GRID1: variants seen among roughly 807,000 people sequenced by gnomAD.
The protein encoded by GRID1 is glutamate ionotropic receptor delta type subunit 1.
Under a neutral mutation model 98.0 loss-of-function variants are expected in GRID1, and 28 were observed. That is an observed-to-expected ratio of 0.29 (90% CI 0.21 to 0.39). The LOEUF (loss-of-function observed/expected upper bound fraction) is 0.39, where lower values mean the gene tolerates loss of function less well. Among genes scored for constraint, GRID1 ranks in the 10% least tolerant of loss-of-function variants. GRID1 has a pLI of 1.00. For missense variants in GRID1, 1,111 were observed against 1,340.5 expected (o/e 0.83, Z 2.67); for synonymous variants, 553 against 538.5 (o/e 1.03, Z -0.37).
intron 8 of GRID1, among the ~76,000 whole-genome samples, chr10:85,832,531 G>A (rs1047693958): frequency 3.3e-5 from 5 of 152,144 alleles, no homozygotes; most frequent in African/African-American, 4.8e-5. Context: ...CCATCAGTGT[G>A]AGAGTTTCTG....
intron 2 of GRID1, among the ~76,000 whole-genome samples, chr10:86,316,169 A>G (rs940869856): frequency 1.3e-5 from 2 of 152,202 alleles, no homozygotes; most frequent in Admixed American, 1.3e-4. Flanking sequence ...CACTCGACCA[A>G]CACTCCCCAT....
rs191584759 is a variant in GRID1 at position 85,647,442 on chromosome 10, T to G, written c.1998-45A>C. 4.1e-4 allele frequency: 594 copies of G among 1,448,820 alleles called. 9 individuals are homozygous for G. In the South Asian group the frequency reaches 6.3e-3, roughly 15 times the overall value. 89.7% of individuals were successfully genotyped at this position (1,448,820 alleles called of 1,614,324 possible). On this transcript the variant is annotated intron_variant, in intron 12 of 15. Coordinates refer to ENST00000327946, the MANE Select transcript of GRID1 (RefSeq NM_017551.3). Reference sequence around the variant, plus strand: ...CGAGGCATGAGTACATGCTGTGCATTGCACACTGCAAGGATACAAATGGGC... The same window carrying G: ...CGAGGCATGAGTACATGCTGTGCATGGCACACTGCAAGGATACAAATGGGC...
chr10:85,854,452 GC>G, intron 8 of GRID1, 43 bp downstream of exon 8: 1 of 1,597,592 alleles, frequency 6.3e-7, no homozygotes, highest in East Asian at 2.2e-5. Context: ...GTCTTTGGTG[GC>G]ACCATAGCAG....
chr10:85,635,892 G>A (rs932853743), intron 13 of GRID1, among the ~76,000 whole-genome samples: 1 of 152,192 alleles, frequency 6.6e-6, no homozygotes, highest in African/African-American at 2.4e-5. Flanking sequence ...TTCTGATCAC[G>A]AGTTCCTTCC....
At chr10:85,817,129 G>A (rs1232593353) in intron 8 of GRID1, among the ~76,000 whole-genome samples, 5 of 152,120 alleles carry the variant, frequency 3.3e-5, no homozygotes, top group Non-Finnish European at 7.4e-5. Flanking sequence ...TTGATTCCAT[G>A]TCTTTGCTAT....
chr10:85,891,537 T>C (rs1282326296), intron 5 of GRID1, among the ~76,000 whole-genome samples: 4 of 152,056 alleles, frequency 2.6e-5, no homozygotes, highest in African/African-American at 9.7e-5. Flanking sequence ...ACAAAATATA[T>C]GCAACAAGTT....
At chr10:85,728,619 T>C (rs866578421) in intron 9 of GRID1, among the ~76,000 whole-genome samples, 2 of 152,224 alleles carry the variant, frequency 1.3e-5, no homozygotes, top group Non-Finnish European at 2.9e-5. Context: ...AGCCATGCCA[T>C]GCTCACACCT....
intron 2 of GRID1, among the ~76,000 whole-genome samples, chr10:86,207,693 G>A (rs546919700): frequency 2.0e-5 from 3 of 146,466 alleles, no homozygotes; most frequent in Admixed American, 1.4e-4. Flanking sequence ...GTGCAGTGGC[G>A]CGATCTCGAC....
chr10:85,695,791 G>A (rs1841386487), intron 12 of GRID1, among the ~76,000 whole-genome samples: 1 of 151,970 alleles, frequency 6.6e-6, no homozygotes, highest in African/African-American at 2.4e-5. Flanking sequence ...AAAAAAACAA[G>A]CCAGCTGCTC....
chr10:86,068,889 A>G (rs1019863515), intron 4 of GRID1, among the ~76,000 whole-genome samples: 6 of 151,894 alleles, frequency 4.0e-5, no homozygotes, highest in Non-Finnish European at 1.5e-5. Flanking sequence ...AGTTGGGAGG[A>G]AAGAGAGGCT....
intron 2 of GRID1, among the ~76,000 whole-genome samples, chr10:86,362,711 C>T (rs1264881065): frequency 6.6e-6 from 1 of 152,218 alleles, no homozygotes; most frequent in African/African-American, 2.4e-5. Context: ...CCAACACCAG[C>T]TCTGACCCCC....
chr10:86,017,421 C>G (rs150277569), intron 4 of GRID1, among the ~76,000 whole-genome samples: 1 of 152,170 alleles, frequency 6.6e-6, no homozygotes, highest in African/African-American at 2.4e-5. Context: ...TGACCCCACC[C>G]CAGTAAGTGC....
intron 5 of GRID1, among the ~76,000 whole-genome samples, chr10:85,895,501 C>T (rs912066090): frequency 4.6e-5 from 7 of 152,156 alleles, no homozygotes; most frequent in African/African-American, 1.7e-4. Flanking sequence ...GACTCTAAGC[C>T]ACTGCCCCAT....
At chr10:86,293,431 G>A (rs1847544332) in intron 2 of GRID1, among the ~76,000 whole-genome samples, 1 of 152,200 alleles carries the variant, frequency 6.6e-6, no homozygotes, top group African/African-American at 2.4e-5. Context: ...CCTAGCGCCA[G>A]CAATGCCTTG....
At position 86,355,782 on chromosome 10, in the gene GRID1, G is replaced by A. The variant is rs1848526393; in HGVS notation, c.235+8159C>T. On this transcript the variant is annotated intron_variant, in intron 2 of 15. Transcript: ENST00000327946. ...GGCCCAGTGCCTGTCAGAGAGGGCA[G>A]CACCCCAGAGAAAGGGGCTGTCACA... Among the ~76,000 whole-genome samples the A allele has an allele frequency of 2.0e-5, 3 of 152,254 alleles. No homozygotes were observed. The South Asian group carries it at 6.2e-4, about 31-fold the overall frequency.
At chr10:86,252,831 G>A (rs1846858460) in intron 2 of GRID1, among the ~76,000 whole-genome samples, 1 of 152,194 alleles carries the variant, frequency 6.6e-6, no homozygotes, top group African/African-American at 2.4e-5. Context: ...ATTTCATGCT[G>A]AATTTGCTGA....
chr10:86,305,039 C>T (rs1282396616), intron 2 of GRID1, among the ~76,000 whole-genome samples: 1 of 151,090 alleles, frequency 6.6e-6, no homozygotes, highest in African/African-American at 2.4e-5. Flanking sequence ...AACATTTAAT[C>T]AGTAGATTCT....
chr10:85,985,653 A>G (rs1842600356), intron 4 of GRID1, among the ~76,000 whole-genome samples: 1 of 152,168 alleles, frequency 6.6e-6, no homozygotes, highest in Non-Finnish European at 1.5e-5. Context: ...CTGCACTCAC[A>G]GTCACCTCCT....
chr10:86,111,621 G>T (rs1844485689), intron 4 of GRID1, among the ~76,000 whole-genome samples: 1 of 152,144 alleles, frequency 6.6e-6, no homozygotes, highest in African/African-American at 2.4e-5. Context: ...GGACTTGGAG[G>T]GATAAAGGGG....
Sources: gnomAD v4.1 joint callset for allele counts (sites outside exome capture counted in the v4.1 genomes callset) on GRCh38, gnomAD v4.1.1 for gene constraint, MANE v1.5 for transcripts, NCBI Gene and HGNC (gene_info 2026-07-23, HGNC 2026-07-21) for gene names.